Variants in KCTD8 observed in about 807,000 individuals in gnomAD.
KCTD8 encodes the protein potassium channel tetramerization domain containing 8, also known as BTB/POZ domain-containing protein KCTD8.
A neutral mutation model predicts 31.5 loss-of-function variants in KCTD8; 27 were observed. The observed-to-expected ratio is 0.86, with a 90% confidence interval of 0.63 to 1.18. The LOEUF is 1.18. KCTD8 is among the 50% of genes most tolerant of loss of function. The pLI is 0.00. For missense variants in KCTD8, 658 were observed against 647.7 expected, an observed-to-expected ratio of 1.02 and a Z score of -0.17; for synonymous variants, 290 against 280.0, an observed-to-expected ratio of 1.04 and a Z score of -0.36.
At chr4:44,215,611 A>C (rs1235228423) in intron 1 of KCTD8, among the ~76,000 whole-genome samples, 4 of 152,244 alleles carry the variant, frequency 2.6e-5, no homozygotes, top group Non-Finnish European at 4.4e-5. Context: ...AATTCTTCAG[A>C]GACTTAACAG....
chr4:44,404,932 T>A (rs1720748702), intron 1 of KCTD8, among the ~76,000 whole-genome samples: 1 of 152,176 alleles, frequency 6.6e-6, no homozygotes, highest in Non-Finnish European at 1.5e-5. Context: ...TTCACCTTCA[T>A]TAGCAATATT....
chr4:44,239,516 A>G (rs1334724834), intron 1 of KCTD8, among the ~76,000 whole-genome samples: 4 of 152,200 alleles, frequency 2.6e-5, no homozygotes, highest in Admixed American at 2.0e-4. Flanking sequence ...TTAAAAATTA[A>G]CAATTATTCA....
At chr4:44,413,518 T>C (rs755458316) in intron 1 of KCTD8, among the ~76,000 whole-genome samples, 13 of 152,120 alleles carry the variant, frequency 8.5e-5, no homozygotes, top group African/African-American at 2.2e-4. Context: ...CTCCTAAATT[T>C]AACACATAAA....
At chr4:44,330,400 C>T (rs1718565957) in intron 1 of KCTD8, among the ~76,000 whole-genome samples, 1 of 151,784 alleles carries the variant, frequency 6.6e-6, no homozygotes, top group South Asian at 2.1e-4. Flanking sequence ...TAGTTTATGA[C>T]TTTTTTAGAA....
chr4:44,253,725 T>C (rs531393163), intron 1 of KCTD8, among the ~76,000 whole-genome samples: 1 of 151,852 alleles, frequency 6.6e-6, no homozygotes, highest in Non-Finnish European at 1.5e-5. Context: ...ATCGCAGACA[T>C]ATGAAAGATC....
At chr4:44,407,020 C>T (rs938309737) in intron 1 of KCTD8, among the ~76,000 whole-genome samples, 2 of 152,176 alleles carry the variant, frequency 1.3e-5, no homozygotes, top group African/African-American at 2.4e-5. Context: ...TTCAAGTCTA[C>T]CTAATATCCT....
chr4:44,411,782 G>A (rs929597275), intron 1 of KCTD8, among the ~76,000 whole-genome samples: 2 of 152,098 alleles, frequency 1.3e-5, no homozygotes, highest in African/African-American at 4.8e-5. Context: ...GGCAGGGATC[G>A]GAGTGCTGCA....
intron 1 of KCTD8, among the ~76,000 whole-genome samples, chr4:44,201,848 G>T (rs1714160938): frequency 6.6e-6 from 1 of 152,134 alleles, no homozygotes; most frequent in South Asian, 2.1e-4. Flanking sequence ...TATTACTAGA[G>T]TAAACAGTCT....
At chr4:44,316,118 T>C (rs1161869242) in intron 1 of KCTD8, among the ~76,000 whole-genome samples, 1 of 152,124 alleles carries the variant, frequency 6.6e-6, no homozygotes, top group African/African-American at 2.4e-5. Flanking sequence ...CTGTTTCTTT[T>C]CTGTCCAAAT....
intron 1 of KCTD8, among the ~76,000 whole-genome samples, chr4:44,281,988 C>A (rs1716917202): frequency 6.6e-6 from 1 of 151,942 alleles, no homozygotes; most frequent in African/African-American, 2.4e-5. Flanking sequence ...AATAAATATT[C>A]TAAAATAAAT....
intron 1 of KCTD8, among the ~76,000 whole-genome samples, chr4:44,323,361 G>A (rs1269787020): frequency 1.3e-5 from 2 of 151,674 alleles, no homozygotes; most frequent in Non-Finnish European, 2.9e-5. Context: ...ATGTGTAGTG[G>A]CTGGCGCCTG....
At chr4:44,439,559 A>T (rs966983308) in intron 1 of KCTD8, among the ~76,000 whole-genome samples, 8 of 152,204 alleles carry the variant, frequency 5.3e-5, no homozygotes, top group African/African-American at 1.9e-4. Context: ...AGGTTAAGAA[A>T]TATAAGTAAA....
At chr4:44,328,008 AG>A (rs1368684909) in intron 1 of KCTD8, among the ~76,000 whole-genome samples, 4 of 151,950 alleles carry the variant, frequency 2.6e-5, no homozygotes, top group African/African-American at 9.7e-5. Flanking sequence ...TTTATAGGAA[AG>A]TGAAGTAATG....
chr4:44,180,586 T>C (rs536290866), intron 1 of KCTD8, among the ~76,000 whole-genome samples: 8 of 125,782 alleles, frequency 6.4e-5, no homozygotes, highest in African/African-American at 1.6e-4. Flanking sequence ...TATACATACA[T>C]GCACACACAC....
intron 1 of KCTD8, among the ~76,000 whole-genome samples, chr4:44,297,062 T>C (rs1717455937): frequency 6.6e-6 from 1 of 152,124 alleles, no homozygotes; most frequent in African/African-American, 2.4e-5. Flanking sequence ...GTTCTTCACA[T>C]ATCTATATGC....
intron 1 of KCTD8, among the ~76,000 whole-genome samples, chr4:44,206,691 A>C (rs901411721): frequency 1.5e-4 from 23 of 152,142 alleles, no homozygotes; most frequent in Admixed American, 1.5e-3. Context: ...GAAAGCTTCT[A>C]TTTAGAAGGA....
At chr4:44,417,220 A>G (rs1401881734) in intron 1 of KCTD8, among the ~76,000 whole-genome samples, 1 of 152,246 alleles carries the variant, frequency 6.6e-6, no homozygotes, top group Non-Finnish European at 1.5e-5. Context: ...CAAATAGCTC[A>G]GGAGGATAAG....
chr4:44,196,105 C>T (rs1281730604), intron 1 of KCTD8, among the ~76,000 whole-genome samples: 1 of 152,210 alleles, frequency 6.6e-6, no homozygotes, highest in Non-Finnish European at 1.5e-5. Flanking sequence ...CCAACTAGAA[C>T]TTGCTTGAAT....
At chr4:44,305,220 T>C (rs1717765509) in intron 1 of KCTD8, among the ~76,000 whole-genome samples, 1 of 151,450 alleles carries the variant, frequency 6.6e-6, no homozygotes, top group Non-Finnish European at 1.5e-5. Flanking sequence ...TAAAAGTAAA[T>C]ATACATTAAA....
Sources: gnomAD v4.1 joint callset for allele counts (sites outside exome capture counted in the v4.1 genomes callset) on GRCh38, gnomAD v4.1.1 for gene constraint, MANE v1.5 for transcripts, NCBI Gene and HGNC (gene_info 2026-07-23, HGNC 2026-07-21) for gene names.